MCTP2: variants seen among roughly 807,000 people sequenced by gnomAD.
MCTP2 encodes multiple C2 and transmembrane domain containing 2.
MCTP2 carries 132 observed loss-of-function variants against 111.6 expected under a neutral mutation model. The observed-to-expected ratio is 1.18, with a 90% CI of 1.03 to 1.37. The LOEUF is 1.37. Among genes scored for constraint, MCTP2 ranks in the 40% most tolerant of loss-of-function variants. The probability of loss-of-function intolerance (pLI) is 0.00; values close to 1 mark genes in which losing one functional copy is unlikely to be tolerated. For synonymous variants in MCTP2, 395 were observed against 387.7 expected (o/e 1.02, Z -0.22); for missense variants, 1,183 against 1,067.9 (o/e 1.11, Z -1.50).
rs149766823 is a variant in MCTP2 at position 94,394,102 on chromosome 15, G to A, written c.1789-4859G>A. 7.8e-3 allele frequency among the ~76,000 whole-genome samples: 1,165 copies of A among 148,604 alleles called. 9 individuals carry two copies. Among genetic ancestry groups the A allele is most frequent in the Non-Finnish European group, 0.012 (825 of 67,180 alleles). ...AAAAACGTGGTAGCTGAACACGTAT[G>A]AATGGCTCATGATTTATTCAATTAT... On this transcript the variant is annotated intron_variant, in intron 14 of 22. Transcript: ENST00000357742.
chr15:94,398,861 A>G (rs1424913770), intron 14 of MCTP2, 100 bp from the exon 15 acceptor site: 2 of 659,990 alleles, frequency 3.0e-6, no homozygotes, highest in East Asian at 5.1e-5. Context: ...ACCTGTGATC[A>G]TTGTGCATCC....
intron 12 of MCTP2, among the ~76,000 whole-genome samples, chr15:94,380,865 CTGTT>C (rs2080097985): frequency 6.7e-6 from 1 of 148,154 alleles, no homozygotes; most frequent in Non-Finnish European, 1.5e-5. Flanking sequence ...AAAGGTAAAA[CTGTT>C]TAAGTGAACC....
At chr15:94,375,454 G>A (rs1344609854) in intron 12 of MCTP2, among the ~76,000 whole-genome samples, 1 of 152,160 alleles carries the variant, frequency 6.6e-6, no homozygotes, top group Non-Finnish European at 1.5e-5. Context: ...AGGCAATGGA[G>A]GGACAAAACT....
At chr15:94,404,554 C>G (rs2081800125) in intron 17 of MCTP2, among the ~76,000 whole-genome samples, 1 of 152,152 alleles carries the variant, frequency 6.6e-6, no homozygotes, top group African/African-American at 2.4e-5. Flanking sequence ...CCATCTCGGC[C>G]TCCCAAAGTG....
chr15:94,403,806 G>T, intron 17 of MCTP2, among the ~76,000 whole-genome samples: 1 of 152,272 alleles, frequency 6.6e-6, no homozygotes, highest in Non-Finnish European at 1.5e-5. Flanking sequence ...TGTACTCTCA[G>T]ATCTCTGAGG....
chr15:94,432,840 G>C (rs72751342), intron 17 of MCTP2, among the ~76,000 whole-genome samples: 22,110 of 152,174 alleles, frequency 0.15, 1,680 homozygotes, highest in East Asian at 0.26. Context: ...CAAATGAGGA[G>C]ATCCCAGAGT....
At chr15:94,271,656 T>C (rs1211577419) in intron 1 of MCTP2, among the ~76,000 whole-genome samples, 1 of 152,232 alleles carries the variant, frequency 6.6e-6, no homozygotes, top group African/African-American at 2.4e-5. Flanking sequence ...AATATACTTA[T>C]TTGAAAGATA....
intron 19 of MCTP2, among the ~76,000 whole-genome samples, chr15:94,444,857 A>G (rs567096990): frequency 4.6e-5 from 7 of 152,300 alleles, no homozygotes; most frequent in South Asian, 4.1e-4. Context: ...TAAATGAACC[A>G]CCAGTAGAAG....
At chr15:94,423,463 A>G (rs2082721562) in intron 17 of MCTP2, among the ~76,000 whole-genome samples, 1 of 152,232 alleles carries the variant, frequency 6.6e-6, no homozygotes. Context: ...ACAAAAGGGA[A>G]AAGTACAACA....
intron 1 of MCTP2, among the ~76,000 whole-genome samples, chr15:94,246,954 A>T (rs2072058032): frequency 1.3e-5 from 2 of 152,168 alleles, no homozygotes; most frequent in African/African-American, 4.8e-5. Context: ...GCCATCTTTG[A>T]TAGTAACTCC....
chr15:94,358,495 G>C lies in MCTP2; in HGVS notation c.1184G>C (p.Ser395Thr). ...QRYKSKTLCK[S>T]ANPQWQEQFD... ...CATGTTTTCTAGACACTGTGTAAGA[G>C]TGCAAATCCGCAGTGGCAGGAACAG... The change falls in exon 10 of 23, where the codon AGT becomes ACT. Residue 395 changes from serine (S) to threonine (T), a missense_variant. Coordinates refer to ENST00000357742, the MANE Select transcript of MCTP2 (RefSeq NM_001385001.1). 6.2e-7 allele frequency: 1 copy of C among 1,613,598 alleles called. No individual in the cohort carries two copies. Among genetic ancestry groups the C allele is most frequent in the Non-Finnish European group, 8.5e-7 (1 of 1,179,612 alleles).
At chr15:94,279,942 C>T (rs1402428738) in intron 1 of MCTP2, among the ~76,000 whole-genome samples, 1 of 152,044 alleles carries the variant, frequency 6.6e-6, no homozygotes, top group African/African-American at 2.4e-5. Context: ...AGCTTGCATC[C>T]CAGAAATAGT....
At chr15:94,360,507 C>T (rs1475293471) in intron 10 of MCTP2, among the ~76,000 whole-genome samples, 3 of 152,164 alleles carry the variant, frequency 2.0e-5, no homozygotes, top group Non-Finnish European at 2.9e-5. Context: ...AGATCAATTA[C>T]GCAAATTCAG....
chr15:94,362,219 T>G (rs2078978713), intron 10 of MCTP2, among the ~76,000 whole-genome samples: 1 of 152,142 alleles, frequency 6.6e-6, no homozygotes, highest in South Asian at 2.1e-4. Flanking sequence ...TAAAGCTAAG[T>G]TTAACCGGCT....
intron 14 of MCTP2, among the ~76,000 whole-genome samples, chr15:94,395,500 G>GA (rs1295794992): frequency 1.3e-5 from 2 of 152,114 alleles, no homozygotes; most frequent in Non-Finnish European, 2.9e-5. Context: ...ATCTTTATAG[G>GA]AAAGCATAAT....
intron 2 of MCTP2, among the ~76,000 whole-genome samples, chr15:94,301,092 G>C (rs373116778): frequency 1.3e-5 from 2 of 152,080 alleles, no homozygotes; most frequent in Non-Finnish European, 2.9e-5. Flanking sequence ...CCCTTTTAAC[G>C]CAACCATTTT....
Position 94,315,657 on chromosome 15 carries a change from T to TGG in MCTP2, c.637+21_637+22dup. The TGG allele has an allele frequency of 6.3e-7, 1 of 1,574,898 alleles. No individual in the cohort carries two copies. Among genetic ancestry groups the TGG allele is most frequent in the Non-Finnish European group, 8.7e-7 (1 of 1,144,660 alleles). ...GCTGTGGTAAGACCTGGGTCTGTTA[T>TGG]GGTGGGTGTAGCCTGGAAACTTCTT... is the stretch of plus-strand genomic sequence containing the variant. On this transcript the variant is annotated intron_variant, in intron 4 of 22. Transcript: ENST00000357742.
At chr15:94,475,888 A>G (rs965632838) in intron 21 of MCTP2, among the ~76,000 whole-genome samples, 1 of 147,260 alleles carries the variant, frequency 6.8e-6, no homozygotes, top group African/African-American at 2.5e-5. Context: ...GACGGTCTAT[A>G]GGATGTTGAC....
chr15:94,256,381 G>T (rs938760394), intron 1 of MCTP2, among the ~76,000 whole-genome samples: 2 of 152,010 alleles, frequency 1.3e-5, no homozygotes, highest in African/African-American at 4.8e-5. Context: ...TTTGAATAAG[G>T]GATACTCAAC....
Sources: gnomAD v4.1 joint callset for allele counts (sites outside exome capture counted in the v4.1 genomes callset) on GRCh38, gnomAD v4.1.1 for gene constraint, MANE v1.5 for transcripts, NCBI Gene and HGNC (gene_info 2026-07-23, HGNC 2026-07-21) for gene names.